Variants in SGCG observed in about 807,000 individuals in gnomAD.
SGCG encodes the protein sarcoglycan gamma, also known as gamma-sarcoglycan.
Under a neutral mutation model 29.3 loss-of-function variants are expected in SGCG, and 26 were observed. The observed-to-expected ratio is 0.89, with a 90% CI of 0.65 to 1.23. The LOEUF (loss-of-function observed/expected upper bound fraction) is 1.23. Among genes scored for constraint, SGCG ranks in the 50% most tolerant of loss-of-function variants. The pLI, the probability that SGCG is intolerant of heterozygous loss-of-function variation, is 0.00. For missense variants in SGCG, 353 were observed against 356.0 expected (o/e 0.99, Z 0.07); for synonymous variants, 145 against 129.7 (o/e 1.12, Z -0.80).
intron 5 of SGCG, 79 bp from the exon 6 acceptor site, chr13:23,295,336 A>G (rs958528095): frequency 8.8e-7 from 1 of 1,139,064 alleles, no homozygotes; most frequent in African/African-American, 1.5e-5. Context: ...ATGTTCTTTA[A>G]TATCTAGGCT....
At chr13:23,274,030 G>T (rs983589098) in intron 4 of SGCG, among the ~76,000 whole-genome samples, 1 of 152,138 alleles carries the variant, frequency 6.6e-6, no homozygotes, top group Non-Finnish European at 1.5e-5. Context: ...CATAAAGGTG[G>T]TGTCTGTGAT....
At position 23,194,620 on chromosome 13, in the gene SGCG, A is replaced by G. The variant is rs528276865; in HGVS notation, c.1-9075A>G. ...CAGAGGCCAGCTTCTCTCTTGGAGCATTCATATTAATTCTGGGACAACTGA... is the reference window on the plus strand; with the variant it reads ...CAGAGGCCAGCTTCTCTCTTGGAGCGTTCATATTAATTCTGGGACAACTGA... On this transcript the variant is annotated intron_variant, in intron 1 of 7. Transcript: ENST00000218867. Among the ~76,000 whole-genome samples, 208 of 152,270 alleles carry G rather than the reference A, an allele frequency of 1.4e-3. 1 individual carries two copies. The highest frequency in any genetic ancestry group is 4.9e-3 in the African/African-American group (204 of 41,542).
At chr13:23,238,402 G>C (rs537066015) in intron 3 of SGCG, among the ~76,000 whole-genome samples, 4 of 152,284 alleles carry the variant, frequency 2.6e-5, no homozygotes, top group African/African-American at 9.6e-5. Context: ...AAGCTACCTT[G>C]AGACTAGTGA....
chr13:23,250,858 C>T lies in SGCG; in HGVS notation c.385+141C>T. ...TTTCTAAATATCATGCTGTGTTGAC[C>T]ACAGACTAGCACCACAGAGTGGGGT... On this transcript the variant is annotated intron_variant, in intron 4 of 7. Transcript: ENST00000218867. The T allele has an allele frequency of 7.1e-6, 5 of 705,676 alleles. No individual in the cohort carries two copies. In the East Asian group the frequency reaches 8.2e-5, roughly 12 times the overall value. The allele number at this position is 705,676 out of a possible 1,614,324, so 43.7% of individuals were successfully genotyped here.
intron 2 of SGCG, among the ~76,000 whole-genome samples, chr13:23,217,207 C>T (rs1418712602): frequency 1.3e-5 from 2 of 151,946 alleles, no homozygotes; most frequent in Admixed American, 6.6e-5. Context: ...AACTATGTTT[C>T]CTATTAGTTA....
chr13:23,164,421 C>T, the SGCG span, among the ~76,000 whole-genome samples: 10 of 152,212 alleles, frequency 6.6e-5, no homozygotes, highest in Non-Finnish European at 1.3e-4. Flanking sequence ...GCAATTAGGA[C>T]CTCATTTAAC....
chr13:23,293,840 A>G (rs1276556352), intron 5 of SGCG, among the ~76,000 whole-genome samples: 1 of 152,060 alleles, frequency 6.6e-6, no homozygotes, highest in East Asian at 1.9e-4. Context: ...TAAAAAAAAA[A>G]AAAAAAAATT....
intron 1 of SGCG, among the ~76,000 whole-genome samples, chr13:23,201,937 A>G (rs1168127428): frequency 6.6e-6 from 1 of 152,152 alleles, no homozygotes; most frequent in East Asian, 1.9e-4. Flanking sequence ...TGGAATCAAT[A>G]TAATAGAGGG....
Position 23,248,997 on chromosome 13 carries a change from G to GAAA in SGCG, c.298-1620_298-1618dup, listed in dbSNP as rs147956071. Among the ~76,000 whole-genome samples, 24 of 112,868 alleles carry GAAA rather than the reference G, an allele frequency of 2.1e-4. 1 individual carries two copies. The highest frequency in any genetic ancestry group is 2.2e-4 in the Non-Finnish European group (13 of 57,970). 74.0% of individuals were successfully genotyped at this position (112,868 alleles called of 152,430 possible). ...CAGAGCCAGACTCTGTCACAGAAAA[G>GAAA]AAAAAAAAAAAAAAACAAACCTCAA... On this transcript the variant is annotated intron_variant, in intron 3 of 7. Transcript: ENST00000218867.
chr13:23,256,442 G>A (rs550132884), intron 4 of SGCG, among the ~76,000 whole-genome samples: 14 of 152,046 alleles, frequency 9.2e-5, no homozygotes, highest in African/African-American at 1.4e-4. Context: ...GGTTTGTTAC[G>A]TATGTATACA....
chr13:23,268,918 C>A (rs949822360), intron 4 of SGCG: 3 of 149,606 alleles, frequency 2.0e-5, no homozygotes, highest in African/African-American at 4.9e-5. Flanking sequence ...AAAAAACACT[C>A]ATCTTCAGGA....
chr13:23,298,433 A>T (rs1020767524), intron 6 of SGCG, among the ~76,000 whole-genome samples: 9 of 152,170 alleles, frequency 5.9e-5, no homozygotes, highest in African/African-American at 2.2e-4. Flanking sequence ...GAAAAGCAGC[A>T]TTTTTTATAT....
chr13:23,299,456 A>ATTTTTTTT lies in SGCG; in HGVS notation c.578+3978_578+3985dup, dbSNP rs71100168. Among the ~76,000 whole-genome samples the ATTTTTTTT allele has an allele frequency of 3.8e-3, 157 of 41,506 alleles. 18 individuals are homozygous for ATTTTTTTT. Among genetic ancestry groups the ATTTTTTTT allele is most frequent in the Non-Finnish European group, 4.5e-3 (93 of 20,824 alleles). 27.2% of individuals were successfully genotyped at this position (41,506 alleles called of 152,430 possible). On this transcript the variant is annotated intron_variant, in intron 6 of 7. Transcript: ENST00000218867. ...TATATATATATATATATATATATATATTTTTTTTTTTTTTTTAGTCGGAGT... is the reference window on the plus strand; with the variant it reads ...TATATATATATATATATATATATATATTTTTTTTTTTTTTTTTTTTTTTTAGTCGGAGT...
At chr13:23,164,642 T>C in the SGCG span, among the ~76,000 whole-genome samples, 1 of 152,164 alleles carries the variant, frequency 6.6e-6, no homozygotes, top group East Asian at 1.9e-4. Context: ...AAATAGGAAC[T>C]GGCCTGTGCA....
intron 1 of SGCG, among the ~76,000 whole-genome samples, chr13:23,200,763 A>G (rs1877713005): frequency 6.6e-6 from 1 of 152,094 alleles, no homozygotes; most frequent in South Asian, 2.1e-4. Context: ...TTGATAAGCG[A>G]TCTTTGCACA....
intron 2 of SGCG, among the ~76,000 whole-genome samples, chr13:23,229,456 C>A (rs1879024942): frequency 6.6e-6 from 1 of 152,156 alleles, no homozygotes; most frequent in South Asian, 2.1e-4. Flanking sequence ...GCAACCTCAC[C>A]AGCATCTATT....
At chr13:23,323,399 T>G (rs560940247) in intron 7 of SGCG, among the ~76,000 whole-genome samples, 12 of 152,312 alleles carry the variant, frequency 7.9e-5, no homozygotes, top group African/African-American at 2.9e-4. Flanking sequence ...GGCGAATGCG[T>G]GCAGCAGACA....
At chr13:23,185,562 G>T (rs1593160065) in intron 1 of SGCG, among the ~76,000 whole-genome samples, 1 of 152,246 alleles carries the variant, frequency 6.6e-6, no homozygotes, top group East Asian at 1.9e-4. Flanking sequence ...CAGACTCCAA[G>T]CTGGAGATAT....
chr13:23,177,968 G>A (rs116096967), upstream of SGCG, among the ~76,000 whole-genome samples: 1,496 of 152,202 alleles, frequency 9.8e-3, 28 homozygotes, highest in African/African-American at 0.034. Flanking sequence ...GCACCCAAGG[G>A]CATTGTCACT....
Sources: gnomAD v4.1 joint callset for allele counts (sites outside exome capture counted in the v4.1 genomes callset) on GRCh38, gnomAD v4.1.1 for gene constraint, MANE v1.5 for transcripts, NCBI Gene and HGNC (gene_info 2026-07-23, HGNC 2026-07-21) for gene names.